SLC44A5: variants seen among roughly 807,000 people sequenced by gnomAD.
SLC44A5 encodes solute carrier family 44 member 5.
A neutral mutation model predicts 101.8 loss-of-function variants in SLC44A5; 57 were observed. That is an observed-to-expected ratio of 0.56 (90% CI 0.45 to 0.70). The LOEUF is 0.70. Among genes scored for constraint, SLC44A5 ranks in the 30% least tolerant of loss-of-function variants. SLC44A5 has a pLI of 0.00. For missense variants in SLC44A5, 737 were observed against 853.1 expected (o/e 0.86, Z 1.70); for synonymous variants, 281 against 290.9 (o/e 0.97, Z 0.35).
At chr1:75,598,015 T>A (rs567944302) in intron 1 of SLC44A5, among the ~76,000 whole-genome samples, 15 of 151,920 alleles carry the variant, frequency 9.9e-5, no homozygotes, top group Non-Finnish European at 1.9e-4. Flanking sequence ...ACCTAGAGAA[T>A]GGGAGAAAAT....
chr1:75,257,700 C>A (rs1392611585), intron 6 of SLC44A5, among the ~76,000 whole-genome samples: 1 of 152,130 alleles, frequency 6.6e-6, no homozygotes, highest in African/African-American at 2.4e-5. Context: ...AAAGAGAAAG[C>A]TTCTACTGGG....
At chr1:75,719,869 G>A in the SLC44A5 span, among the ~76,000 whole-genome samples, 2 of 152,228 alleles carry the variant, frequency 1.3e-5, no homozygotes, top group East Asian at 3.9e-4. Flanking sequence ...TGGCCCAGTG[G>A]GATTTCAAAG....
chr1:75,552,508 C>G (rs1379107284), intron 1 of SLC44A5, among the ~76,000 whole-genome samples: 2 of 151,950 alleles, frequency 1.3e-5, no homozygotes, highest in Admixed American at 1.3e-4. Context: ...AAAACAGACT[C>G]TCATATAGGC....
the SLC44A5 span, among the ~76,000 whole-genome samples, chr1:75,681,302 C>G: frequency 1.3e-5 from 2 of 151,932 alleles, no homozygotes; most frequent in Non-Finnish European, 2.9e-5. Flanking sequence ...GAGACACAAC[C>G]AAAAAAGAGA....
At chr1:75,701,584 T>G in the SLC44A5 span, among the ~76,000 whole-genome samples, 1 of 152,190 alleles carries the variant, frequency 6.6e-6, no homozygotes, top group Non-Finnish European at 1.5e-5. Context: ...GCATTCCCTT[T>G]GAAAACTGGC....
intron 2 of SLC44A5, among the ~76,000 whole-genome samples, chr1:75,403,466 G>C (rs149308296): frequency 0.091 from 13,849 of 152,154 alleles, 818 homozygotes; most frequent in Admixed American, 0.19. Flanking sequence ...GCATCTGGCT[G>C]GTGCCCCTCT....
chr1:75,372,964 C>G (rs1326918559), intron 3 of SLC44A5, among the ~76,000 whole-genome samples: 1 of 152,076 alleles, frequency 6.6e-6, no homozygotes, highest in Non-Finnish European at 1.5e-5. Flanking sequence ...ATTAAGGAAT[C>G]AAACTCATAG....
At chr1:75,479,864 C>T (rs564645037) in intron 2 of SLC44A5, among the ~76,000 whole-genome samples, 1 of 152,262 alleles carries the variant, frequency 6.6e-6, no homozygotes, top group East Asian at 1.9e-4. Flanking sequence ...CTATTCCAAT[C>T]AATAGAAAAA....
intron 3 of SLC44A5, among the ~76,000 whole-genome samples, chr1:75,360,297 T>C (rs1659394435): frequency 6.6e-6 from 1 of 152,112 alleles, no homozygotes. Context: ...TTTTATAGTT[T>C]CAGGTATATA....
At chr1:75,314,164 T>C (rs529137257) in intron 4 of SLC44A5, among the ~76,000 whole-genome samples, 12 of 152,336 alleles carry the variant, frequency 7.9e-5, no homozygotes, top group African/African-American at 2.9e-4. Context: ...TTTAAACATT[T>C]ACAGTTTATT....
chr1:75,430,136 C>T (rs1304608560), intron 2 of SLC44A5, among the ~76,000 whole-genome samples: 1 of 152,102 alleles, frequency 6.6e-6, no homozygotes, highest in Non-Finnish European at 1.5e-5. Flanking sequence ...GAGATGGGAC[C>T]TTCTGGGAAG....
At chr1:75,438,639 T>C (rs920829931) in intron 2 of SLC44A5, among the ~76,000 whole-genome samples, 2 of 152,084 alleles carry the variant, frequency 1.3e-5, no homozygotes, top group Non-Finnish European at 2.9e-5. Flanking sequence ...CCTCAGATTC[T>C]CAAATTAGTC....
chr1:75,291,189 T>C (rs1653514705), intron 5 of SLC44A5, among the ~76,000 whole-genome samples: 1 of 152,190 alleles, frequency 6.6e-6, no homozygotes, highest in Non-Finnish European at 1.5e-5. Flanking sequence ...ACCACCACTA[T>C]TCAAGATTTT....
chr1:75,364,336 GA>G (rs1333684258), intron 3 of SLC44A5, among the ~76,000 whole-genome samples: 2 of 152,160 alleles, frequency 1.3e-5, no homozygotes, highest in African/African-American at 4.8e-5. Flanking sequence ...AACCATGGTG[GA>G]AGGTGAAGGT....
At chr1:75,208,677 G>A (rs1356091441) in intron 23 of SLC44A5, among the ~76,000 whole-genome samples, 6 of 151,966 alleles carry the variant, frequency 3.9e-5, no homozygotes, top group Non-Finnish European at 8.8e-5. Context: ...CATGTCCAGG[G>A]GTCTTGGAAT....
intron 2 of SLC44A5, among the ~76,000 whole-genome samples, chr1:75,439,898 C>T (rs1367452333): frequency 2.6e-5 from 4 of 151,864 alleles, no homozygotes; most frequent in Non-Finnish European, 5.9e-5. Flanking sequence ...ATAATAAAAA[C>T]TGAAGAAGTA....
chr1:75,227,343 T>C (rs1481857020), intron 13 of SLC44A5, among the ~76,000 whole-genome samples: 1 of 152,086 alleles, frequency 6.6e-6, no homozygotes, highest in East Asian at 1.9e-4. Flanking sequence ...CCAGCCTGGG[T>C]GATAGAGCAA....
At chr1:75,640,578 T>C in the SLC44A5 span, among the ~76,000 whole-genome samples, 4 of 152,126 alleles carry the variant, frequency 2.6e-5, no homozygotes, top group African/African-American at 9.7e-5. Context: ...TGAGTGATTC[T>C]ACCTCTCATT....
intron 7 of SLC44A5, among the ~76,000 whole-genome samples, chr1:75,250,090 T>A (rs1217830073): frequency 6.6e-6 from 1 of 152,172 alleles, no homozygotes; most frequent in Non-Finnish European, 1.5e-5. Context: ...ACAGATTATT[T>A]CATTACCCAG....
Sources: allele counts gnomAD v4.1 joint callset (sites outside exome capture counted in the v4.1 genomes callset), GRCh38; gene constraint gnomAD v4.1.1; transcripts MANE v1.5; gene names NCBI Gene and HGNC (gene_info 2026-07-23, HGNC 2026-07-21).